CMYA5: variants seen among roughly 807,000 people sequenced by gnomAD.
CMYA5 encodes cardiomyopathy associated 5.
CMYA5 carries 246 observed loss-of-function variants against 318.9 expected under a neutral mutation model. The ratio of observed to expected loss-of-function variants is 0.77; its 90% confidence interval spans 0.70 to 0.86. The LOEUF (loss-of-function observed/expected upper bound fraction) is 0.86, where lower values mean the gene tolerates loss of function less well. CMYA5 is among the 40% of genes least tolerant of loss of function. CMYA5 has a pLI of 0.00. For missense variants in CMYA5, 4,589 were observed against 4,678.2 expected (o/e 0.98, Z 0.56); for synonymous variants, 1,641 against 1,729.5 (o/e 0.95, Z 1.27).
In CMYA5 at chr5:79,731,397, G is replaced by A. The variant is rs1827896286; in HGVS notation, c.2632G>A (p.Glu878Lys). The A allele has an allele frequency of 1.9e-6, 3 of 1,613,698 alleles. No homozygotes were observed. In the East Asian group the frequency reaches 6.7e-5, roughly 36 times the overall value. ...CCCACCACTTTCAGCCACCCCATCT[G>A]AATATGTTGTTCTATCAGACGAAGA... ...QAPPLSATPS[E>K]YVVLSDEEAV... Residue 878 changes from glutamate to lysine, a missense_variant, in exon 2 of 13, where the codon GAA (glutamate) becomes AAA (lysine). Glu to Lys is a moderately conservative substitution (Grantham distance 56). Coordinates refer to ENST00000446378, the MANE Select transcript of CMYA5 (RefSeq NM_153610.5).
chr5:79,735,532 C>G lies in CMYA5; in HGVS notation c.6767C>G (p.Ser2256Cys). Residue 2256 changes from serine (S) to cysteine (C), a missense_variant, in exon 2 of 13, where the codon TCT (serine) becomes TGT (cysteine). Ser to Cys is a moderately radical substitution (Grantham distance 112). Transcript: ENST00000446378. ...GAACCCAGAGGTACTTTAGTAAAATCTGGTGACGGTCAAAACGTTAAAGAA... is the reference window on the plus strand; with the variant it reads ...GAACCCAGAGGTACTTTAGTAAAATGTGGTGACGGTCAAAACGTTAAAGAA... ...ADEPRGTLVK[S>C]GDGQNVKEKS... 1 of 1,612,956 alleles carries G rather than the reference C, an allele frequency of 6.2e-7. No individual in the cohort carries two copies. The highest frequency in any genetic ancestry group is 8.5e-7 in the Non-Finnish European group (1 of 1,179,618).
At chr5:79,700,390 A>C (rs1299083547) in intron 1 of CMYA5, among the ~76,000 whole-genome samples, 2 of 152,116 alleles carry the variant, frequency 1.3e-5, no homozygotes, top group Non-Finnish European at 1.5e-5. Context: ...TGCTCAATTT[A>C]AGCAGAAAAT....
Position 79,732,766 on chromosome 5 carries a change from T to C in CMYA5, c.4001T>C (p.Leu1334Pro). 2 of 1,613,774 alleles carry C rather than the reference T, an allele frequency of 1.2e-6. No individual in the cohort carries two copies. Among genetic ancestry groups the C allele is most frequent in the South Asian group, 2.2e-5 (2 of 91,048 alleles). ...CAAGTTGAACATGGTCCACCTGCAC[T>C]AGCATTTTCAGCTTTGTCAGAAGAA... ...EKQVEHGPPA[L>P]AFSALSEEIK... Residue 1334 changes from leucine (L) to proline (P), a missense_variant, in exon 2 of 13, where the codon CTA becomes CCA. Around this residue, in one of 3 missense-constraint regions of CMYA5, gnomAD observed 2,132 missense variants for 2,131.3 expected, o/e 1.00. Coordinates refer to ENST00000446378, the MANE Select transcript of CMYA5 (RefSeq NM_153610.5).
chr5:79,724,084 G>A (rs190461229), intron 1 of CMYA5, among the ~76,000 whole-genome samples: 1 of 152,102 alleles, frequency 6.6e-6, no homozygotes, highest in Non-Finnish European at 1.5e-5. Context: ...TTGGGAGGCC[G>A]AGGTGGGTGG....
chr5:79,786,595 A>G (rs1480125845), intron 9 of CMYA5, among the ~76,000 whole-genome samples: 1 of 152,200 alleles, frequency 6.6e-6, no homozygotes, highest in East Asian at 1.9e-4. Flanking sequence ...CTTAGTTACA[A>G]TTAGGACAAA....
chr5:79,707,798 G>T (rs929121590), intron 1 of CMYA5, among the ~76,000 whole-genome samples: 1 of 152,208 alleles, frequency 6.6e-6, no homozygotes, highest in Non-Finnish European at 1.5e-5. Flanking sequence ...GCCTTAGTCT[G>T]TCCGTACTGC....
intron 9 of CMYA5, among the ~76,000 whole-genome samples, chr5:79,769,108 C>T (rs910815599): frequency 4.0e-5 from 6 of 151,758 alleles, no homozygotes; most frequent in East Asian, 1.9e-4. Flanking sequence ...CTTGTGTAGG[C>T]GTCAAGAAGT....
intron 9 of CMYA5, among the ~76,000 whole-genome samples, chr5:79,770,335 G>C (rs773482358): frequency 6.6e-6 from 1 of 152,144 alleles, no homozygotes; most frequent in Non-Finnish European, 1.5e-5. Flanking sequence ...TGGTGTTCCA[G>C]GAGCCACTGG....
Position 79,732,080 on chromosome 5 carries a change from A to G in CMYA5, c.3315A>G (p.Glu1105=). 1.9e-6 allele frequency: 3 copies of G among 1,613,990 alleles called. No individual in the cohort carries two copies. Among genetic ancestry groups the G allele is most frequent in the East Asian group, 2.2e-5 (1 of 44,886 alleles). Residue 1105 remains glutamate, a synonymous_variant, in exon 2 of 13, where the codon GAA becomes GAG. Coordinates refer to ENST00000446378, the MANE Select transcript of CMYA5 (RefSeq NM_153610.5). ...CAACAACCTCAACATCTGTATCTGA[A>G]TATCTCATTTTGGCACAGAAGCAGA... is the stretch of plus-strand genomic sequence containing the variant. The part of the protein sequence containing the change: ...EIPTTSTSVS[E]YLILAQKQKT...
chr5:79,788,976 T>G lies in CMYA5; in HGVS notation c.11561T>G (p.Phe3854Cys), dbSNP rs1162356277. The G allele has an allele frequency of 5.0e-6, 8 of 1,613,252 alleles. No individual in the cohort carries two copies. Among genetic ancestry groups the G allele is most frequent in the Non-Finnish European group, 6.8e-6 (8 of 1,179,528 alleles). Reference sequence around the variant, plus strand: ...TATTTTCCTCTTGTATTTAGATCTTTCTCTGGAATCAAAGGACTCCAGCTG... The same window carrying G: ...TATTTTCCTCTTGTATTTAGATCTTGCTCTGGAATCAAAGGACTCCAGCTG... ...HSPEGEGLRS[F>C]SGIKGLQLKV... The change falls in exon 10 of 13, where the codon TTC becomes TGC. Residue 3854 changes from phenylalanine to cysteine, a missense_variant. Physicochemically the swap from Phe to Cys is radical, Grantham distance 205 (BLOSUM62 -2). Around this residue, in one of 3 missense-constraint regions of CMYA5, gnomAD observed 2,431 missense variants for 2,495.1 expected, o/e 0.97. Coordinates refer to ENST00000446378, the MANE Select transcript of CMYA5 (RefSeq NM_153610.5).
At position 79,761,834 on chromosome 5, in the gene CMYA5, A is replaced by T. The variant is rs757329248; in HGVS notation, c.11284A>T (p.Thr3762Ser). 3.1e-6 allele frequency: 5 copies of T among 1,613,442 alleles called. No homozygotes were observed. In the African/African-American group the frequency reaches 6.7e-5, roughly 22 times the overall value. ...VNELVEEYRL[T>S]VKESYCIFED... ...AGAGTTGGTAGAAGAATACAGACTGACAGTGAAAGAAAGCTACTGCATTTT... is the reference window on the plus strand; with the variant it reads ...AGAGTTGGTAGAAGAATACAGACTGTCAGTGAAAGAAAGCTACTGCATTTT... The change falls in exon 8 of 13, where the codon ACA (threonine) becomes TCA (serine). Residue 3762 changes from threonine (T) to serine (S), a missense_variant. This residue lies in a region of CMYA5 where 2,431 missense variants were observed against 2,495.1 expected (regional missense o/e 0.97). Transcript: ENST00000446378.
Position 79,729,340 on chromosome 5 carries a change from C to A in CMYA5, c.575C>A (p.Ala192Glu). 6.2e-7 allele frequency: 1 copy of A among 1,611,994 alleles called. No individual in the cohort carries two copies. The highest frequency in any genetic ancestry group is 8.5e-7 in the Non-Finnish European group (1 of 1,179,444). ...EKSYTGIYDK[A>E]RKKKTTSNTP... Reference sequence around the variant, plus strand: ...TCATATACTGGCATTTATGATAAAGCAAGAAAAAAGAAGACCACTTCAAAT... The same window carrying A: ...TCATATACTGGCATTTATGATAAAGAAAGAAAAAAGAAGACCACTTCAAAT... The change falls in exon 2 of 13, where the codon GCA becomes GAA. Residue 192 changes from alanine to glutamate, a missense_variant. Coordinates refer to ENST00000446378, the MANE Select transcript of CMYA5 (RefSeq NM_153610.5).
At chr5:79,747,713 T>C (rs1304107084) in intron 5 of CMYA5, among the ~76,000 whole-genome samples, 1 of 152,232 alleles carries the variant, frequency 6.6e-6, no homozygotes, top group Non-Finnish European at 1.5e-5. Flanking sequence ...ACATCAGATT[T>C]ATGTTTATCT....
At position 79,729,741 on chromosome 5, in the gene CMYA5, A is replaced by T; in HGVS notation, c.976A>T (p.Ile326Phe). Residue 326 changes from isoleucine (I) to phenylalanine (F), a missense_variant, in exon 2 of 13, where the codon ATT becomes TTT. Transcript: ENST00000446378. ...GTTCAGTCATGAAGATCAAAAGAAAATTTATGCTGATTCTCCCCTAAATGC... is the reference window on the plus strand; with the variant it reads ...GTTCAGTCATGAAGATCAAAAGAAATTTTATGCTGATTCTCCCCTAAATGC... ...LMFSHEDQKK[I>F]YADSPLNATS... The T allele has an allele frequency of 6.2e-7, 1 of 1,613,962 alleles. No individual in the cohort carries two copies. The highest frequency in any genetic ancestry group is 8.5e-7 in the Non-Finnish European group (1 of 1,179,882).
intron 6 of CMYA5, among the ~76,000 whole-genome samples, chr5:79,753,634 A>G (rs1398116608): frequency 6.6e-6 from 1 of 151,972 alleles, no homozygotes; most frequent in Non-Finnish European, 1.5e-5. Flanking sequence ...AAAACAAAAA[A>G]GATGGCTGTT....
rs575551235 is a variant in CMYA5 at position 79,737,905 on chromosome 5, C to G, written c.9140C>G (p.Pro3047Arg). 13 of 1,605,390 alleles carry G rather than the reference C, an allele frequency of 8.1e-6. No homozygotes were observed. The highest frequency in any genetic ancestry group is 4.0e-5 in the African/African-American group (3 of 74,212). ...TDLSFIQPTI[P>R]SEEDYFEKYT... ...TTATCATTTATTCAGCCCACAATTC[C>G]CAGTGAAGAGGATTATTTTGAAAAA... is the stretch of plus-strand genomic sequence containing the variant. The change falls in exon 2 of 13, where the codon CCC becomes CGC. Residue 3047 changes from proline (P) to arginine (R), a missense_variant. Coordinates refer to ENST00000446378, the MANE Select transcript of CMYA5 (RefSeq NM_153610.5).
intron 1 of CMYA5, among the ~76,000 whole-genome samples, chr5:79,710,520 T>C (rs1827368870): frequency 6.6e-6 from 1 of 152,162 alleles, no homozygotes; most frequent in African/African-American, 2.4e-5. Flanking sequence ...AAAAGCACAT[T>C]ACAAAACATA....
At chr5:79,699,085 G>C (rs1827128260) in intron 1 of CMYA5, among the ~76,000 whole-genome samples, 2 of 152,150 alleles carry the variant, frequency 1.3e-5, no homozygotes, top group African/African-American at 4.8e-5. Context: ...TTGAACCCAG[G>C]AGGAAGAGGT....
Position 79,738,611 on chromosome 5 carries a change from T to G in CMYA5, c.9846T>G (p.Ile3282Met). Residue 3282 changes from isoleucine to methionine, a missense_variant, in exon 2 of 13, where the codon ATT (isoleucine) becomes ATG (methionine). By Grantham distance (10) the Ile-to-Met change is conservative. Around this residue, in one of 3 missense-constraint regions of CMYA5, gnomAD observed 2,431 missense variants for 2,495.1 expected, o/e 0.97. Transcript: ENST00000446378. Reference protein sequence around the residue: ...SYQPIAAEGEIWGKFGTICRE... With the variant: ...SYQPIAAEGEMWGKFGTICRE... ...AACCGATAGCTGCAGAAGGGGAAAT[T>G]TGGGGAAAGTTTGGAACTATTTGCA... is the stretch of plus-strand genomic sequence containing the variant. 1.2e-6 allele frequency: 2 copies of G among 1,613,574 alleles called. No individual in the cohort carries two copies. The highest frequency in any genetic ancestry group is 1.7e-6 in the Non-Finnish European group (2 of 1,179,796).
Sources: gnomAD v4.1 joint callset for allele counts (sites outside exome capture counted in the v4.1 genomes callset) on GRCh38, gnomAD v4.1.1 for gene constraint, gnomAD v4.1.1 regional missense constraint, MANE v1.5 for transcripts, NCBI Gene and HGNC (gene_info 2026-07-23, HGNC 2026-07-21) for gene names.